TANGO6: variants seen among roughly 807,000 people sequenced by gnomAD.
The protein encoded by TANGO6 is transport and Golgi organization protein 6 homolog.
In TANGO6, 90 loss-of-function variants were observed where a neutral mutation model predicts 114.2. The ratio of observed to expected loss-of-function variants is 0.79; its 90% CI spans 0.66 to 0.94. TANGO6 has a LOEUF of 0.94. Among genes scored for constraint, TANGO6 ranks in the 40% least tolerant of loss-of-function variants. The pLI, the probability that TANGO6 is intolerant of heterozygous loss-of-function variation, is 0.00. For missense variants in TANGO6, 1,274 were observed against 1,315.3 expected, an observed-to-expected ratio of 0.97 and a Z score of 0.49; for synonymous variants, 477 against 509.8, an observed-to-expected ratio of 0.94 and a Z score of 0.87.
At chr16:68,965,955 G>A (rs1963641093) in intron 14 of TANGO6, among the ~76,000 whole-genome samples, 1 of 152,172 alleles carries the variant, frequency 6.6e-6, no homozygotes, top group Admixed American at 6.5e-5. Flanking sequence ...ATTCAGACCA[G>A]GTGTAGTGGC....
At chr16:69,080,803 C>T (rs1182173992) in intron 17 of TANGO6, among the ~76,000 whole-genome samples, 1 of 152,172 alleles carries the variant, frequency 6.6e-6, no homozygotes, top group Non-Finnish European at 1.5e-5. Flanking sequence ...GTAACCTCAA[C>T]CCTCTAACCC....
intron 14 of TANGO6, chr16:68,937,351 T>C: frequency 6.6e-6 from 1 of 152,226 alleles, no homozygotes; most frequent in East Asian, 1.9e-4. Flanking sequence ...ATTCTCTAAG[T>C]AGTTCTGGGA....
intron 17 of TANGO6, among the ~76,000 whole-genome samples, chr16:69,051,771 A>C (rs551050872): frequency 1.3e-5 from 2 of 152,214 alleles, no homozygotes; most frequent in Non-Finnish European, 1.5e-5. Flanking sequence ...GCTTGAACCC[A>C]GGAGATGGAG....
intron 14 of TANGO6, among the ~76,000 whole-genome samples, chr16:68,936,826 C>T (rs1388282860): frequency 6.6e-6 from 1 of 151,594 alleles, no homozygotes; most frequent in African/African-American, 2.4e-5. Context: ...AAAAAAACCA[C>T]CTGGGCTCTG....
intron 15 of TANGO6, among the ~76,000 whole-genome samples, chr16:69,019,732 A>G (rs1959368088): frequency 6.6e-6 from 1 of 152,066 alleles, no homozygotes; most frequent in Non-Finnish European, 1.5e-5. Flanking sequence ...GAGACAAACT[A>G]TCCCTATGTT....
intron 15 of TANGO6, among the ~76,000 whole-genome samples, chr16:68,983,310 A>G (rs12935840): frequency 0.078 from 11,874 of 152,230 alleles, 648 homozygotes; most frequent in Non-Finnish European, 0.11. Context: ...TCTAAGTCAT[A>G]TAAATTCCTG....
At chr16:68,985,652 G>T (rs546993907) in intron 15 of TANGO6, among the ~76,000 whole-genome samples, 29 of 152,148 alleles carry the variant, frequency 1.9e-4, no homozygotes, top group Admixed American at 7.2e-4. Context: ...GGTCAAGGCT[G>T]CAGTGAGCCA....
chr16:68,933,435 A>G (rs543216545), intron 14 of TANGO6, among the ~76,000 whole-genome samples: 9 of 152,158 alleles, frequency 5.9e-5, no homozygotes, highest in Non-Finnish European at 1.3e-4. Context: ...AACAACAACA[A>G]ACTACCCTGA....
intron 14 of TANGO6, among the ~76,000 whole-genome samples, chr16:68,953,980 C>T (rs1963499517): frequency 6.6e-6 from 1 of 152,068 alleles, no homozygotes; most frequent in South Asian, 2.1e-4. Context: ...TGGCTCATGC[C>T]TGTAATCCCA....
intron 17 of TANGO6, among the ~76,000 whole-genome samples, chr16:69,054,951 A>C (rs1960010616): frequency 6.6e-6 from 1 of 151,794 alleles, no homozygotes; most frequent in Middle Eastern, 3.4e-3. Flanking sequence ...AAAAAAAAAA[A>C]AAAAAAAAAA....
chr16:68,977,465 G>A (rs945553311), intron 15 of TANGO6, among the ~76,000 whole-genome samples: 7 of 151,076 alleles, frequency 4.6e-5, no homozygotes, highest in African/African-American at 1.5e-4. Context: ...AGGCCAAGGC[G>A]GGCGGATCAT....
At chr16:68,967,114 C>T (rs1223499559) in intron 14 of TANGO6, among the ~76,000 whole-genome samples, 1 of 152,128 alleles carries the variant, frequency 6.6e-6, no homozygotes, top group Admixed American at 6.6e-5. Context: ...TGGGGTCTGG[C>T]TGTGTTGCCC....
At chr16:68,975,891 G>T (rs1963761118) in intron 15 of TANGO6, among the ~76,000 whole-genome samples, 1 of 151,986 alleles carries the variant, frequency 6.6e-6, no homozygotes. Context: ...GTGCCTGAGT[G>T]TTCTAATGTG....
chr16:68,960,198 G>A (rs959131604), intron 14 of TANGO6, among the ~76,000 whole-genome samples: 1 of 151,774 alleles, frequency 6.6e-6, no homozygotes, highest in Admixed American at 6.6e-5. Context: ...TGAATTATAA[G>A]TTTCGCTGAA....
Position 68,902,476 on chromosome 16 carries a change from A to G in TANGO6, c.1639A>G (p.Ile547Val), listed in dbSNP as rs375664406. The change falls in exon 9 of 18, where the codon ATT becomes GTT. Residue 547 changes from isoleucine (I) to valine (V), a missense_variant. Physicochemically the swap from Ile to Val is conservative, Grantham distance 29 (BLOSUM62 3). This residue lies in a region of TANGO6 where 908 missense variants were observed against 910.2 expected (regional missense o/e 1.00). Transcript: ENST00000261778. ...GTTTAGAGTTGCCACTCAAGGTGGC[A>G]TTATGATTACCATCAAAGAGGCCAT... is the stretch of plus-strand genomic sequence containing the variant. The part of the protein sequence containing the change: ...CQFRVATQGG[I>V]MITIKEAISD... 107 of 1,612,896 alleles carry G rather than the reference A, an allele frequency of 6.6e-5. 1 individual carries two copies. Among genetic ancestry groups the G allele is most frequent in the Admixed American group, 1.8e-4 (11 of 59,810 alleles).
intron 14 of TANGO6, among the ~76,000 whole-genome samples, chr16:68,953,888 G>A (rs1388674925): frequency 6.6e-6 from 1 of 152,058 alleles, no homozygotes; most frequent in Non-Finnish European, 1.5e-5. Context: ...TGACAGCAAG[G>A]GAACGAGGCA....
chr16:69,041,091 C>T (rs117784118), intron 17 of TANGO6, among the ~76,000 whole-genome samples: 7,440 of 152,194 alleles, frequency 0.049, 217 homozygotes, highest in Non-Finnish European at 0.071. Context: ...CCAGTATCCA[C>T]AATGCTCATC....
intron 14 of TANGO6, among the ~76,000 whole-genome samples, chr16:68,959,071 T>C (rs1963563523): frequency 6.6e-6 from 1 of 152,226 alleles, no homozygotes; most frequent in Non-Finnish European, 1.5e-5. Context: ...CCTGAAATTA[T>C]AGGCAGAGTG....
intron 17 of TANGO6, among the ~76,000 whole-genome samples, chr16:69,081,466 C>T (rs1437494439): frequency 6.6e-6 from 1 of 151,670 alleles, no homozygotes; most frequent in Non-Finnish European, 1.5e-5. Flanking sequence ...ACCTCCGCCT[C>T]CCCAGCAGCT....
Sources: gnomAD v4.1 joint callset for allele counts (sites outside exome capture counted in the v4.1 genomes callset) on GRCh38, gnomAD v4.1.1 for gene constraint, gnomAD v4.1.1 regional missense constraint, MANE v1.5 for transcripts, NCBI Gene and HGNC (gene_info 2026-07-23, HGNC 2026-07-21) for gene names.